The following HYKK variants were observed in gnomAD, a reference collection of about 807,000 sequenced individuals.
The protein encoded by HYKK is 5-hydroxy-L-lysine kinase.
A neutral mutation model predicts 29.7 loss-of-function variants in HYKK; 19 were observed. That is an observed-to-expected ratio of 0.64 (90% CI 0.45 to 0.94). The LOEUF is 0.94. Ranked by LOEUF, HYKK falls within the 40% of genes least tolerant of loss-of-function variation. The pLI is 0.00. For synonymous variants in HYKK, 152 were observed against 158.1 expected, an observed-to-expected ratio of 0.96 and a Z score of 0.29; for missense variants, 390 against 443.4, an observed-to-expected ratio of 0.88 and a Z score of 1.08.
At chr15:78,529,605 T>G (rs1398920699) in intron 4 of HYKK, among the ~76,000 whole-genome samples, 1 of 152,252 alleles carries the variant, frequency 6.6e-6, no homozygotes, top group Non-Finnish European at 1.5e-5. Flanking sequence ...TAGTTGATCA[T>G]CACATCATGG....
chr15:78,515,587 ATTT>A (rs145146182), intron 3 of HYKK, among the ~76,000 whole-genome samples: 37 of 126,970 alleles, frequency 2.9e-4, no homozygotes, highest in East Asian at 6.7e-4. Context: ...CTCCAAAGAA[ATTT>A]TTTTTTTTTT....
chr15:78,518,947 G>C (rs936762649), intron 3 of HYKK, among the ~76,000 whole-genome samples: 1 of 149,150 alleles, frequency 6.7e-6, no homozygotes, highest in Admixed American at 6.7e-5. Context: ...TGAAACCCCT[G>C]TTGCAGTGTA....
In HYKK at chr15:78,534,174, T is replaced by A. The variant is rs558769524; in HGVS notation, c.*504T>A. On this transcript the variant is annotated 3_prime_UTR_variant, in exon 5 of 5. Coordinates refer to ENST00000388988, the MANE Select transcript of HYKK (RefSeq NM_001013619.4). ...CACTTTGTATAATGGATCGTGGTTG[T>A]GCAGTCATCTTGCCTGAGAGCTACT... 6.6e-6 allele frequency: 1 copy of A among 152,666 alleles called. No individual in the cohort carries two copies. Among genetic ancestry groups the A allele is most frequent in the East Asian group, 1.9e-4 (1 of 5,220 alleles). The allele number at this position is 152,666 out of a possible 1,614,324, so 9.5% of individuals were successfully genotyped here.
At chr15:78,523,920 G>T (rs1428232271) in intron 3 of HYKK, among the ~76,000 whole-genome samples, 1 of 152,216 alleles carries the variant, frequency 6.6e-6, no homozygotes, top group East Asian at 1.9e-4. Flanking sequence ...GCCTGGGGTA[G>T]CCCCACCCCT....
chr15:78,518,963 T>C (rs1227356855), intron 3 of HYKK, among the ~76,000 whole-genome samples: 3 of 150,554 alleles, frequency 2.0e-5, no homozygotes, highest in African/African-American at 7.3e-5. Flanking sequence ...GTGTAAATAG[T>C]ATTCATTTAT....
chr15:78,513,415 C>T lies in HYKK; in HGVS notation c.327C>T (p.Leu109=), dbSNP rs1290692458. The T allele has an allele frequency of 1.4e-5, 23 of 1,611,428 alleles. No homozygotes were observed. The highest frequency in any genetic ancestry group is 2.2e-5 in the East Asian group (1 of 44,878). Residue 109 remains leucine, a synonymous_variant, in exon 2 of 5, where the codon CTC becomes CTT. Coordinates refer to ENST00000388988, the MANE Select transcript of HYKK (RefSeq NM_001013619.4). ...CTAAAGGAGACAACACAGCTTCTCT[C>T]GTGTCTGTAGGTAAGAGATGACCAA... ...CHTKGDNTAS[L]VSVDSGSEIK...
chr15:78,533,922 A>G lies in HYKK; in HGVS notation c.*252A>G, dbSNP rs1177871469. 1.1e-5 allele frequency: 5 copies of G among 450,774 alleles called. No individual in the cohort carries two copies. The highest frequency in any genetic ancestry group is 1.6e-5 in the Non-Finnish European group (4 of 254,800). 27.9% of individuals were successfully genotyped at this position (450,774 alleles called of 1,614,324 possible). The stretch of plus-strand genomic sequence containing the variant: ...TACTTGCCATATCTATAAAACACAT[A>G]TAATGATACCATTTTGAAGCAGATA... On this transcript the variant is annotated 3_prime_UTR_variant, in exon 5 of 5. Transcript: ENST00000388988.
intron 4 of HYKK, among the ~76,000 whole-genome samples, chr15:78,532,296 C>T (rs2052320267): frequency 6.6e-6 from 1 of 152,164 alleles, no homozygotes; most frequent in Admixed American, 6.6e-5. Flanking sequence ...GGCCACTGAT[C>T]ACACTCTTGG....
In HYKK at chr15:78,523,983, T is replaced by C. The variant is rs1259266485; in HGVS notation, c.478-3397T>C. Reference sequence around the variant, plus strand: ...GCTGCTCTCAAGGGCTGGTGTTGAGTGCCTGTGGCTTTTCCAGGGGCAGGG... The same window carrying C: ...GCTGCTCTCAAGGGCTGGTGTTGAGCGCCTGTGGCTTTTCCAGGGGCAGGG... On this transcript the variant is annotated intron_variant, in intron 3 of 4. Transcript: ENST00000388988. 2.0e-5 allele frequency among the ~76,000 whole-genome samples: 3 copies of C among 152,224 alleles called. No individual in the cohort carries two copies. The East Asian group carries it at 5.8e-4, about 29-fold the overall frequency.
chr15:78,513,455 A>T, intron 2 of HYKK, 30 bp downstream of exon 2: 1 of 1,484,176 alleles, frequency 6.7e-7, no homozygotes, highest in Non-Finnish European at 9.3e-7. Flanking sequence ...CCGATCCATT[A>T]CCTATCCAGA....
chr15:78,519,687 G>A (rs1201117738), intron 3 of HYKK, among the ~76,000 whole-genome samples: 1 of 152,180 alleles, frequency 6.6e-6, no homozygotes. Flanking sequence ...CTTGAACCCG[G>A]GAGGCGGAGG....
chr15:78,512,971 CAAA>C (rs1327596023), intron 1 of HYKK, 110 bp from the exon 2 acceptor site: 13 of 631,444 alleles, frequency 2.1e-5, no homozygotes, highest in Non-Finnish European at 3.6e-5. Context: ...ACTTAACAAT[CAAA>C]AGAAGTACAG....
rs904373848 is a variant in HYKK at position 78,513,433 on chromosome 15, A to G, written c.337+8A>G. ...CTTCTCTCGTGTCTGTAGGTAAGAG[A>G]TGACCAATTCGCCGATCCATTACCT... On this transcript the variant is annotated splice_region_variant and intron_variant, in intron 2 of 4. Transcript: ENST00000388988. 1.3e-6 allele frequency: 2 copies of G among 1,598,150 alleles called. No homozygotes were observed. The highest frequency in any genetic ancestry group is 1.3e-5 in the African/African-American group (1 of 74,372).
intron 4 of HYKK, among the ~76,000 whole-genome samples, chr15:78,531,639 C>A (rs2052313620): frequency 6.6e-6 from 1 of 152,110 alleles, no homozygotes; most frequent in Non-Finnish European, 1.5e-5. Flanking sequence ...TCAAGTGATT[C>A]TCCTGCCTCA....
rs185635670 is a variant in HYKK, at chr15:78,526,060, C to T, written c.478-1320C>T. ...CTCCCTCAGCCTTATAATAACAAGT[C>T]GTTATCCCTCTATGAATCTGTTTCC... On this transcript the variant is annotated intron_variant, in intron 3 of 4. Transcript: ENST00000388988. 1.5e-3 allele frequency among the ~76,000 whole-genome samples: 228 copies of T among 152,310 alleles called. 2 individuals carry two copies. Among genetic ancestry groups the T allele is most frequent in the African/African-American group, 5.3e-3 (220 of 41,568 alleles).
intron 3 of HYKK, among the ~76,000 whole-genome samples, chr15:78,520,731 C>T (rs1411838921): frequency 6.6e-6 from 1 of 152,226 alleles, no homozygotes; most frequent in Non-Finnish European, 1.5e-5. Flanking sequence ...GTCATCATGG[C>T]CCGTTCTCAA....
At chr15:78,511,746 A>G (rs1275788783) in intron 1 of HYKK, among the ~76,000 whole-genome samples, 3 of 150,276 alleles carry the variant, frequency 2.0e-5, no homozygotes, top group South Asian at 4.2e-4. Flanking sequence ...AAAAAAATCA[A>G]TTCAGGCCAG....
At position 78,533,222 on chromosome 15, in the gene HYKK, G is replaced by A. The variant is rs1022640002; in HGVS notation, c.674G>A (p.Gly225Glu). 4 of 1,596,128 alleles carry A rather than the reference G, an allele frequency of 2.5e-6. No individual in the cohort carries two copies. The highest frequency in any genetic ancestry group is 2.7e-5 in the African/African-American group (2 of 74,478). Residue 225 changes from glycine to glutamate, a missense_variant, in exon 5 of 5, where the codon GGA (glycine) becomes GAA (glutamate). By Grantham distance (98) the Gly-to-Glu change is moderately conservative. Transcript: ENST00000388988. The stretch of plus-strand genomic sequence containing the variant: ...TTTCTACTTTCAGGTATCAATCACG[G>A]AGATCTTAATGACCATAATATTTTA... ...LSHFRECINH[G>E]DLNDHNILIE...
Position 78,536,392 on chromosome 15 carries a change from T to C in HYKK, c.*2722T>C, listed in dbSNP as rs1366040279. 3 of 152,152 alleles carry C rather than the reference T, an allele frequency of 2.0e-5. No individual in the cohort carries two copies. Among genetic ancestry groups the C allele is most frequent in the South Asian group, 4.1e-4 (2 of 4,820 alleles). 9.4% of individuals were successfully genotyped at this position (152,152 alleles called of 1,614,324 possible). ...GAGATCATTCACATGAAAGCACTTA[T>C]GTTTCTGAAATTTAAGGGACTGTGG... On this transcript the variant is annotated 3_prime_UTR_variant, in exon 5 of 5. Transcript: ENST00000388988.
Sources: gnomAD v4.1 joint callset for allele counts (sites outside exome capture counted in the v4.1 genomes callset) on GRCh38, gnomAD v4.1.1 for gene constraint, MANE v1.5 for transcripts, NCBI Gene and HGNC (gene_info 2026-07-23, HGNC 2026-07-21) for gene names.